The following PSMD6 variants were observed in gnomAD, a reference collection of about 807,000 sequenced individuals.
PSMD6 encodes 26S proteasome non-ATPase regulatory subunit 6.
A neutral mutation model predicts 44.9 loss-of-function variants in PSMD6; 7 were observed. That is an observed-to-expected ratio of 0.16 (90% CI 0.09 to 0.29). The LOEUF is 0.29. Ranked by LOEUF, PSMD6 falls within the 10% of genes least tolerant of loss-of-function variation. PSMD6 has a pLI of 1.00. For missense variants in PSMD6, 420 were observed against 482.6 expected, an observed-to-expected ratio of 0.87 and a Z score of 1.21; for synonymous variants, 184 against 172.7, an observed-to-expected ratio of 1.07 and a Z score of -0.51.
intron 1 of PSMD6, 68 bp downstream of exon 1, chr3:64,023,202 AGTCCC>A (rs2076161318): frequency 1.4e-6 from 2 of 1,471,890 alleles, no homozygotes; most frequent in Non-Finnish European, 1.8e-6. Context: ...CATCAAAAAA[AGTCCC>A]CGCAGGCTCC....
intron 6 of PSMD6, chr3:64,012,790 A>T (rs894013692): frequency 6.6e-6 from 1 of 152,250 alleles, no homozygotes; most frequent in Non-Finnish European, 1.5e-5. Flanking sequence ...TCTCAGAGCA[A>T]ACCTCACCTC....
At chr3:64,020,770 T>C (rs1218938161) in intron 2 of PSMD6, among the ~76,000 whole-genome samples, 1 of 152,220 alleles carries the variant, frequency 6.6e-6, no homozygotes, top group African/African-American at 2.4e-5. Context: ...GTTTTACACA[T>C]GAGGAAACCG....
Position 64,023,434 on chromosome 3 carries a change from C to T in PSMD6, c.-15G>A. 6.3e-7 allele frequency: 1 copy of T among 1,586,092 alleles called. No homozygotes were observed. Among genetic ancestry groups the T allele is most frequent in the South Asian group, 1.1e-5 (1 of 89,318 alleles). On this transcript the variant is annotated 5_prime_UTR_variant, in exon 1 of 8. Transcript: ENST00000295901. ...TCCAGCGGCATCGCGGCGAAGGGGA[C>T]AGCGGCTGACAGGACACAACTTGGT...
intron 5 of PSMD6, chr3:64,015,093 A>G (rs1466953668): frequency 6.6e-6 from 1 of 152,226 alleles, no homozygotes; most frequent in African/African-American, 2.4e-5. Flanking sequence ...GCCACTAACC[A>G]TGAGATGGTG....
intron 2 of PSMD6, among the ~76,000 whole-genome samples, chr3:64,020,947 C>T (rs1337866484): frequency 6.6e-6 from 1 of 152,248 alleles, no homozygotes; most frequent in East Asian, 1.9e-4. Flanking sequence ...ATTTTCTTAA[C>T]CACTATTACA....
intron 6 of PSMD6, chr3:64,012,172 A>G (rs952327448): frequency 1.5e-5 from 2 of 133,880 alleles, no homozygotes; most frequent in African/African-American, 6.3e-5. Context: ...TGTACTGTAC[A>G]ATTCTTTCTT....
upstream of PSMD6, chr3:64,023,536 G>GC: frequency 7.1e-7 from 1 of 1,402,758 alleles, no homozygotes; most frequent in Non-Finnish European, 9.3e-7. Context: ...TTCCGGTCCC[G>GC]TCTCCGCCGG....
At chr3:64,015,647 A>G (rs1416781797) in intron 5 of PSMD6, 1 of 152,246 alleles carries the variant, frequency 6.6e-6, no homozygotes, top group Non-Finnish European at 1.5e-5. Context: ...AAAGGTACTT[A>G]CAAAACAGCA....
intron 6 of PSMD6, chr3:64,012,509 T>C (rs190044304): frequency 1.3e-5 from 2 of 152,188 alleles, no homozygotes; most frequent in Admixed American, 1.3e-4. Context: ...CCATGTAACT[T>C]GGGCTCTAAA....
rs911055881 is a variant in PSMD6, at chr3:64,013,277, G to C, written c.995+162C>G. 13 of 612,844 alleles carry C rather than the reference G, an allele frequency of 2.1e-5. No individual in the cohort carries two copies. The African/African-American group carries it at 2.5e-4, about 12-fold the overall frequency. 38.0% of individuals were successfully genotyped at this position (612,844 alleles called of 1,614,324 possible). On this transcript the variant is annotated intron_variant, in intron 6 of 7. Transcript: ENST00000295901. ...GCAGACATGACATGAGGAAGGCAGAGGCAACAGGATACGAATGTTTTGATA... is the reference window on the plus strand; with the variant it reads ...GCAGACATGACATGAGGAAGGCAGACGCAACAGGATACGAATGTTTTGATA...
intron 5 of PSMD6, chr3:64,015,153 C>G (rs1227972462): frequency 3.3e-5 from 5 of 152,196 alleles, no homozygotes; most frequent in African/African-American, 1.2e-4. Flanking sequence ...AAAATTATTT[C>G]TGTCCTCTCA....
At chr3:64,019,665 C>A in intron 2 of PSMD6, 1 of 443,206 alleles carries the variant, frequency 2.3e-6, no homozygotes, top group Non-Finnish European at 3.9e-6. Context: ...TAAGAAATGC[C>A]CAAGCATATA....
At chr3:64,014,577 A>C (rs2076015027) in intron 5 of PSMD6, 1 of 152,308 alleles carries the variant, frequency 6.6e-6, no homozygotes, top group Non-Finnish European at 1.5e-5. Context: ...CTCAGAATGC[A>C]AGCAGGAAGA....
At chr3:64,018,050 G>T (rs1259352470) in intron 5 of PSMD6, among the ~76,000 whole-genome samples, 9 of 152,174 alleles carry the variant, frequency 5.9e-5, no homozygotes, top group Non-Finnish European at 1.2e-4. Flanking sequence ...ACGTTCAAGA[G>T]ATTATTTTCT....
At position 64,013,463 on chromosome 3, in the gene PSMD6, C is replaced by T; in HGVS notation, c.971G>A (p.Gly324Asp). 1.3e-6 allele frequency: 2 copies of T among 1,593,532 alleles called. No homozygotes were observed. The highest frequency in any genetic ancestry group is 1.7e-6 in the Non-Finnish European group (2 of 1,172,244). ...LTLGYMAEAF[G>D]VGVEFIDQEL... ...CTGATCAATGAATTCCACACCAACA[C>T]CAAACGCTTCTGCCATATAGCCAAG... The change falls in exon 6 of 8, where the codon GGT becomes GAT. Residue 324 changes from glycine to aspartate, a missense_variant. By Grantham distance (94) the Gly-to-Asp change is moderately conservative (BLOSUM62 -1). Coordinates refer to ENST00000295901, the MANE Select transcript of PSMD6 (RefSeq NM_014814.3).
In PSMD6 at chr3:64,018,464, G is replaced by C. The variant is rs1002814706; in HGVS notation, c.826+135C>G. 3 of 647,352 alleles carry C rather than the reference G, an allele frequency of 4.6e-6. No individual in the cohort carries two copies. The African/African-American group carries it at 5.5e-5, about 12-fold the overall frequency. 40.1% of individuals were successfully genotyped at this position (647,352 alleles called of 1,614,324 possible). A position where few individuals can be genotyped will look rare whatever the true frequency, so the allele number is the denominator to read the frequency against. On this transcript the variant is annotated intron_variant, in intron 5 of 7. Transcript: ENST00000295901. ...TTCTAAACAAAACTGGGCACATTAG[G>C]AATACTGATCAAAGACATGCAGCTA... is the stretch of plus-strand genomic sequence containing the variant.
In PSMD6 at chr3:64,011,008, A is replaced by T. The variant is rs532767497; in HGVS notation, c.996-53T>A. On this transcript the variant is annotated intron_variant, in intron 6 of 7. Transcript: ENST00000295901. The stretch of plus-strand genomic sequence containing the variant: ...TTAGCTTTATAGAAAATTCTTAGAA[A>T]AATGCAAACGGCATTAAAATACTGT... The T allele has an allele frequency of 3.5e-3, 4,940 of 1,413,962 alleles. 13 individuals carry two copies. Among genetic ancestry groups the T allele is most frequent in the Non-Finnish European group, 4.1e-3 (4,246 of 1,029,576 alleles). 87.6% of individuals were successfully genotyped at this position (1,413,962 alleles called of 1,614,324 possible).
intron 2 of PSMD6, among the ~76,000 whole-genome samples, chr3:64,021,827 AT>A (rs961658212): frequency 1.3e-5 from 2 of 151,006 alleles, no homozygotes; most frequent in Admixed American, 6.6e-5. Flanking sequence ...AAAAAAAAAA[AT>A]TACCAAAAAG....
At chr3:64,021,640 C>A (rs1333495524) in intron 2 of PSMD6, among the ~76,000 whole-genome samples, 2 of 152,018 alleles carry the variant, frequency 1.3e-5, no homozygotes, top group Non-Finnish European at 2.9e-5. Context: ...GAAATCCAGT[C>A]TCTACTAATA....
Sources: allele counts gnomAD v4.1 joint callset (sites outside exome capture counted in the v4.1 genomes callset), GRCh38; gene constraint gnomAD v4.1.1; transcripts MANE v1.5; gene names NCBI Gene and HGNC (gene_info 2026-07-23, HGNC 2026-07-21).